The following ALK variants were observed in gnomAD, a reference collection of about 807,000 sequenced individuals.
ALK encodes the protein ALK receptor tyrosine kinase, also known as ALK tyrosine kinase receptor.
A neutral mutation model predicts 163.1 loss-of-function variants in ALK; 74 were observed. The ratio of observed to expected loss-of-function variants is 0.45; its 90% CI spans 0.38 to 0.55. The LOEUF is 0.55. Among genes scored for constraint, ALK ranks in the 20% least tolerant of loss-of-function variants. ALK has a pLI of 0.00. For synonymous variants in ALK, 960 were observed against 843.2 expected (o/e 1.14, Z -2.40); for missense variants, 2,063 against 2,105.3 (o/e 0.98, Z 0.39).
In ALK at chr2:29,522,729, T is replaced by C. The variant is rs116002695; in HGVS notation, c.1154+9186A>G. On this transcript the variant is annotated intron_variant, in intron 4 of 28. Coordinates refer to ENST00000389048, the MANE Select transcript of ALK (RefSeq NM_004304.5). Reference sequence around the variant, plus strand: ...ACAAAGAACCCCCACCCCATCTCCATGGCTACTCTTCTTGCAAAGTGGGGA... The same window carrying C: ...ACAAAGAACCCCCACCCCATCTCCACGGCTACTCTTCTTGCAAAGTGGGGA... Among the ~76,000 whole-genome samples, 1,296 of 152,230 alleles carry C rather than the reference T, an allele frequency of 8.5e-3. 17 individuals carry two copies. Among genetic ancestry groups the C allele is most frequent in the African/African-American group, 0.029 (1,204 of 41,544 alleles).
chr2:29,792,617 C>G (rs1664215204), intron 1 of ALK, among the ~76,000 whole-genome samples: 1 of 151,960 alleles, frequency 6.6e-6, no homozygotes, highest in Non-Finnish European at 1.5e-5. Flanking sequence ...AAAATGTGAC[C>G]ATTTGAAATG....
intron 3 of ALK, among the ~76,000 whole-genome samples, chr2:29,606,866 T>G (rs937619491): frequency 6.6e-6 from 1 of 152,206 alleles, no homozygotes; most frequent in Non-Finnish European, 1.5e-5. Context: ...ACTAGTCCCC[T>G]GTCATACTTC....
intron 8 of ALK, among the ~76,000 whole-genome samples, chr2:29,316,991 C>T (rs747184622): frequency 2.4e-4 from 36 of 152,200 alleles, no homozygotes; most frequent in Non-Finnish European, 4.7e-4. Context: ...TTTAATTTAA[C>T]CACTCCTCGG....
intron 3 of ALK, among the ~76,000 whole-genome samples, chr2:29,639,219 T>C (rs1239696716): frequency 6.6e-6 from 1 of 152,096 alleles, no homozygotes. Flanking sequence ...TCGGCATCAC[T>C]CACACTTCTG....
At chr2:29,761,145 C>T (rs1178925966) in intron 1 of ALK, among the ~76,000 whole-genome samples, 1 of 152,188 alleles carries the variant, frequency 6.6e-6, no homozygotes, top group Admixed American at 6.5e-5. Flanking sequence ...TAGTAGCCCC[C>T]TACTCACTAA....
At chr2:29,684,511 T>C (rs566323839) in intron 3 of ALK, among the ~76,000 whole-genome samples, 1 of 152,320 alleles carries the variant, frequency 6.6e-6, no homozygotes, top group African/African-American at 2.4e-5. Context: ...CCGGGATGGC[T>C]GGTAAGTTTT....
intron 3 of ALK, 33 bp downstream of exon 3, chr2:29,694,817 C>T (rs2148289479): frequency 1.9e-6 from 3 of 1,612,492 alleles, no homozygotes; most frequent in Non-Finnish European, 2.5e-6. Context: ...GGCCCTGACC[C>T]ACCCAGGACA....
At chr2:29,617,922 C>G (rs921053832) in intron 3 of ALK, among the ~76,000 whole-genome samples, 1 of 152,164 alleles carries the variant, frequency 6.6e-6, no homozygotes, top group Non-Finnish European at 1.5e-5. Context: ...GGCAGCACAC[C>G]CATAGTCCTG....
At chr2:29,386,641 T>C (rs534281873) in intron 4 of ALK, among the ~76,000 whole-genome samples, 1 of 152,360 alleles carries the variant, frequency 6.6e-6, no homozygotes, top group Non-Finnish European at 1.5e-5. Flanking sequence ...CATTTCTATA[T>C]TGGCACTAGC....
intron 3 of ALK, among the ~76,000 whole-genome samples, chr2:29,608,216 T>G (rs1675593976): frequency 6.6e-6 from 1 of 152,220 alleles, no homozygotes; most frequent in South Asian, 2.1e-4. Context: ...CTTTTCTTCC[T>G]ACCACCTATT....
At chr2:29,647,185 G>A (rs750655485) in intron 3 of ALK, among the ~76,000 whole-genome samples, 3 of 152,094 alleles carry the variant, frequency 2.0e-5, no homozygotes, top group Admixed American at 6.6e-5. Context: ...AATTCAATAC[G>A]GCAATGAACT....
intron 1 of ALK, among the ~76,000 whole-genome samples, chr2:29,894,876 ACC>A (rs911060504): frequency 4.7e-5 from 7 of 148,294 alleles, no homozygotes; most frequent in African/African-American, 1.8e-4. Flanking sequence ...ACACACACAC[ACC>A]CCGACATACT....
chr2:29,303,964 G>T (rs1666436982), intron 8 of ALK, among the ~76,000 whole-genome samples: 1 of 152,140 alleles, frequency 6.6e-6, no homozygotes, highest in African/African-American at 2.4e-5. Flanking sequence ...TGCAATAGAT[G>T]CCCAAACCCC....
chr2:29,761,691 C>T (rs1680704687), intron 1 of ALK, among the ~76,000 whole-genome samples: 1 of 152,204 alleles, frequency 6.6e-6, no homozygotes, highest in Non-Finnish European at 1.5e-5. Flanking sequence ...GGCTGCTGAG[C>T]TTGTCTGTGG....
rs568077289 is a variant in ALK, at chr2:29,624,484, C to T, written c.952+70366G>A. ...CTCCGTGTTCAGGTTTGCAGAGGAG[C>T]GGGTGGAGCTTGGTTTGGAGGAGCT... On this transcript the variant is annotated intron_variant, in intron 3 of 28. Transcript: ENST00000389048. Among the ~76,000 whole-genome samples the T allele has an allele frequency of 2.6e-5, 4 of 152,148 alleles. No individual in the cohort carries two copies. The East Asian group carries it at 5.8e-4, about 22-fold the overall frequency.
intron 11 of ALK, among the ~76,000 whole-genome samples, chr2:29,251,523 G>A (rs2148198052): frequency 6.6e-6 from 1 of 152,318 alleles, no homozygotes; most frequent in Admixed American, 6.5e-5. Context: ...GCAGCTTACA[G>A]GCTACTATGA....
At chr2:29,401,852 T>C (rs1209290879) in intron 4 of ALK, among the ~76,000 whole-genome samples, 1 of 152,142 alleles carries the variant, frequency 6.6e-6, no homozygotes, top group African/African-American at 2.4e-5. Context: ...AGCCCAGAGG[T>C]AAAATTTCAG....
intron 4 of ALK, among the ~76,000 whole-genome samples, chr2:29,443,262 T>A (rs565965204): frequency 7.5e-4 from 115 of 152,324 alleles, no homozygotes; most frequent in Middle Eastern, 3.4e-3. Flanking sequence ...GGAGCAGGTG[T>A]CCCTGAGAAT....
At chr2:29,198,912 G>C (rs754691170) in intron 26 of ALK, among the ~76,000 whole-genome samples, 6 of 151,658 alleles carry the variant, frequency 4.0e-5, no homozygotes, top group Admixed American at 1.3e-4. Flanking sequence ...TTATATGTCA[G>C]AGATGTTAAC....
Sources: gnomAD v4.1 joint callset for allele counts (sites outside exome capture counted in the v4.1 genomes callset) on GRCh38, gnomAD v4.1.1 for gene constraint, MANE v1.5 for transcripts, NCBI Gene and HGNC (gene_info 2026-07-23, HGNC 2026-07-21) for gene names.